Variants in ZCWPW2 observed in about 807,000 individuals in gnomAD.
ZCWPW2 encodes the protein zinc finger CW-type and PWWP domain containing 2, also known as zinc finger CW-type PWWP domain protein 2.
In ZCWPW2, 45 loss-of-function variants were observed where a neutral mutation model predicts 46.6. The observed-to-expected ratio is 0.96, with a 90% confidence interval of 0.76 to 1.24. The LOEUF (loss-of-function observed/expected upper bound fraction) is 1.24, where lower values mean the gene tolerates loss of function less well. ZCWPW2 is among the 50% of genes most tolerant of loss of function. The pLI, the probability that ZCWPW2 is intolerant of heterozygous loss-of-function variation, is 0.00. For synonymous variants in ZCWPW2, 152 were observed against 137.1 expected (o/e 1.11, Z -0.76); for missense variants, 429 against 403.9 (o/e 1.06, Z -0.53).
intron 5 of ZCWPW2, among the ~76,000 whole-genome samples, chr3:28,483,944 C>T (rs1352960300): frequency 6.6e-6 from 1 of 152,060 alleles, no homozygotes; most frequent in African/African-American, 2.4e-5. Context: ...TTTATTTCTT[C>T]TTTCCAAATG....
rs574436899 is a variant in ZCWPW2 at position 28,362,480 on chromosome 3, T to G, written c.-134+13277T>G. 4.7e-4 allele frequency among the ~76,000 whole-genome samples: 71 copies of G among 152,094 alleles called. No homozygotes were observed. The South Asian group carries it at 0.011, about 24-fold the overall frequency. ...GGCCAACAAGCATATGACAAAATGC[T>G]CAATATCATCATTACAGAAGTGCAT... On this transcript the variant is annotated intron_variant, in intron 1 of 9. Transcript: ENST00000383768.
intron 1 of ZCWPW2, among the ~76,000 whole-genome samples, chr3:28,372,810 A>T (rs1705376925): frequency 6.6e-6 from 1 of 152,054 alleles, no homozygotes. Flanking sequence ...AGTGTCTATT[A>T]TTCCCCTCTG....
intron 1 of ZCWPW2, among the ~76,000 whole-genome samples, chr3:28,380,110 G>C (rs1370614277): frequency 2.6e-5 from 4 of 151,984 alleles, no homozygotes; most frequent in African/African-American, 9.7e-5. Context: ...AGCCTCCCGA[G>C]TAGCTGGGAC....
At chr3:28,349,345 T>TA (rs1704437903) in intron 1 of ZCWPW2, 142 bp downstream of exon 1, 1 of 347,472 alleles carries the variant, frequency 2.9e-6, no homozygotes, top group Non-Finnish European at 4.1e-6. Context: ...GTAGCGCTGT[T>TA]ACAGGCTTAC....
chr3:28,349,860 G>A (rs1704471716), intron 1 of ZCWPW2, among the ~76,000 whole-genome samples: 1 of 152,168 alleles, frequency 6.6e-6, no homozygotes, highest in Non-Finnish European at 1.5e-5. Context: ...CCAACTGTCA[G>A]CCCAATAGGA....
chr3:28,360,863 C>T (rs905000761), intron 1 of ZCWPW2, among the ~76,000 whole-genome samples: 6 of 152,028 alleles, frequency 3.9e-5, no homozygotes, highest in East Asian at 1.9e-4. Flanking sequence ...TACCAAGCTA[C>T]GTTAATCAAA....
At chr3:28,497,051 A>C (rs1011172800) in intron 6 of ZCWPW2, among the ~76,000 whole-genome samples, 4 of 149,870 alleles carry the variant, frequency 2.7e-5, no homozygotes, top group Non-Finnish European at 4.4e-5. Context: ...ATTATATAAT[A>C]CATTATTTAT....
Position 28,414,295 on chromosome 3 carries a change from A to G in ZCWPW2, c.332+895A>G, listed in dbSNP as rs953024350. On this transcript the variant is annotated intron_variant, in intron 3 of 9. Transcript: ENST00000383768. The stretch of plus-strand genomic sequence containing the variant: ...TTTAGTCTTTCTTGTCAAAATTACA[A>G]AAAAATTTTTCATTAGTCATGTTTC... Among the ~76,000 whole-genome samples, 4 of 151,700 alleles carry G rather than the reference A, an allele frequency of 2.6e-5. No individual in the cohort carries two copies. In the South Asian group the frequency reaches 6.2e-4, roughly 24 times the overall value.
chr3:28,436,323 C>CTTTTTTTTTTTTTTTTTTT (rs71087698), intron 4 of ZCWPW2, among the ~76,000 whole-genome samples: 3 of 116,838 alleles, frequency 2.6e-5, no homozygotes, highest in African/African-American at 6.6e-5. Flanking sequence ...TCTTTTTTTT[C>CTTTTTTTTTTTTTTTTTTT]TTTTTTTTTT....
At chr3:28,433,542 G>A (rs188800560) in intron 3 of ZCWPW2, among the ~76,000 whole-genome samples, 181 of 152,166 alleles carry the variant, frequency 1.2e-3, no homozygotes, top group Middle Eastern at 3.4e-3. Flanking sequence ...CAAGGCGGGC[G>A]GATCACTTGA....
At chr3:28,452,225 C>G (rs1238534622) in intron 4 of ZCWPW2, among the ~76,000 whole-genome samples, 3 of 152,256 alleles carry the variant, frequency 2.0e-5, no homozygotes, top group Admixed American at 6.5e-5. Context: ...CTTACTAGTG[C>G]TTGACCTAAG....
At chr3:28,380,946 A>AC (rs1695032498) in intron 1 of ZCWPW2, among the ~76,000 whole-genome samples, 1 of 34,786 alleles carries the variant, frequency 2.9e-5, no homozygotes, top group Non-Finnish European at 5.0e-5. Context: ...ATATATATAT[A>AC]TATATATATA....
intron 4 of ZCWPW2, among the ~76,000 whole-genome samples, chr3:28,461,364 C>G (rs1698628461): frequency 6.6e-6 from 1 of 151,968 alleles, no homozygotes; most frequent in Non-Finnish European, 1.5e-5. Flanking sequence ...ACATTAGACA[C>G]ACATTTTTTT....
At chr3:28,413,740 G>A (rs954364014) in intron 3 of ZCWPW2, among the ~76,000 whole-genome samples, 8 of 151,902 alleles carry the variant, frequency 5.3e-5, no homozygotes, top group East Asian at 3.9e-4. Flanking sequence ...TTTGAAATCC[G>A]TTTTTTAGAA....
intron 6 of ZCWPW2, among the ~76,000 whole-genome samples, chr3:28,501,564 T>G (rs181966343): frequency 3.9e-5 from 6 of 152,268 alleles, no homozygotes; most frequent in Admixed American, 1.3e-4. Flanking sequence ...GAAGTAAAAT[T>G]TAAACACAGT....
At chr3:28,367,252 G>A (rs1433454737) in intron 1 of ZCWPW2, among the ~76,000 whole-genome samples, 1 of 152,092 alleles carries the variant, frequency 6.6e-6, no homozygotes, top group Non-Finnish European at 1.5e-5. Flanking sequence ...GTTAATTTTA[G>A]ATCTTTCCTG....
At chr3:28,430,423 T>TA (rs1281652090) in intron 3 of ZCWPW2, among the ~76,000 whole-genome samples, 1 of 152,236 alleles carries the variant, frequency 6.6e-6, no homozygotes, top group African/African-American at 2.4e-5. Context: ...ATCTAAGAAT[T>TA]AACTAACTTG....
chr3:28,438,263 C>A (rs920133169), intron 4 of ZCWPW2, among the ~76,000 whole-genome samples: 12 of 152,194 alleles, frequency 7.9e-5, no homozygotes, highest in African/African-American at 2.9e-4. Context: ...AAGCCCTTCC[C>A]CCTTCAGCTG....
chr3:28,356,494 C>T (rs144849011), intron 1 of ZCWPW2, among the ~76,000 whole-genome samples: 3 of 152,266 alleles, frequency 2.0e-5, no homozygotes, highest in African/African-American at 7.2e-5. Flanking sequence ...TCCAGCCATC[C>T]CATTACTGGG....
Sources: gnomAD v4.1 joint callset for allele counts (sites outside exome capture counted in the v4.1 genomes callset) on GRCh38, gnomAD v4.1.1 for gene constraint, MANE v1.5 for transcripts, NCBI Gene and HGNC (gene_info 2026-07-23, HGNC 2026-07-21) for gene names.